The following TRIP11 variants were observed in gnomAD, a reference collection of about 807,000 sequenced individuals.
The protein encoded by TRIP11 is thyroid receptor-interacting protein 11.
Under a neutral mutation model 223.1 loss-of-function variants are expected in TRIP11, and 148 were observed. The ratio of observed to expected loss-of-function variants is 0.66; its 90% CI spans 0.58 to 0.76. The LOEUF (loss-of-function observed/expected upper bound fraction) is 0.76. Among genes scored for constraint, TRIP11 ranks in the 30% least tolerant of loss-of-function variants. The pLI is 0.00. For missense variants in TRIP11, 2,043 were observed against 2,222.0 expected, an observed-to-expected ratio of 0.92 and a Z score of 1.62; for synonymous variants, 762 against 772.6, an observed-to-expected ratio of 0.99 and a Z score of 0.23.
intron 7 of TRIP11, among the ~76,000 whole-genome samples, chr14:92,013,281 A>C (rs1237557136): frequency 6.6e-6 from 1 of 152,146 alleles, no homozygotes; most frequent in Non-Finnish European, 1.5e-5. Flanking sequence ...AAACAAACAA[A>C]AAAAAAGCTA....
chr14:91,975,067 A>G, intron 18 of TRIP11, 105 bp downstream of exon 18: 1 of 1,061,364 alleles, frequency 9.4e-7, no homozygotes, highest in East Asian at 2.4e-5. Flanking sequence ...CCACACTGAG[A>G]AAATTACACT....
intron 15 of TRIP11, among the ~76,000 whole-genome samples, chr14:91,989,736 A>G (rs900107177): frequency 6.6e-6 from 1 of 152,078 alleles, no homozygotes; most frequent in African/African-American, 2.4e-5. Flanking sequence ...ATGTAATCAA[A>G]GTCCTTAATC....
At chr14:91,975,421 GT>G (rs1448973312) in intron 17 of TRIP11, 135 bp from the exon 18 acceptor site, 1 of 478,132 alleles carries the variant, frequency 2.1e-6, no homozygotes, top group Non-Finnish European at 3.6e-6. Flanking sequence ...ATATTTTAAA[GT>G]GTCTTTAAAA....
In TRIP11 at chr14:91,969,812, T is replaced by C; in HGVS notation, c.5801A>G (p.Asn1934Ser). The change falls in exon 21 of 21, where the codon AAC (asparagine) becomes AGC (serine). Residue 1934 changes from asparagine (N) to serine (S), a missense_variant. Transcript: ENST00000267622. The part of the protein sequence containing the change: ...APRSAAVPLI[N>S]PAGLGPGGPG... ...CCCACCAGGTCCAAGTCCAGCTGGG[T>C]TAATAAGAGGTACAGCTGCCGAGCG... 6.2e-7 allele frequency: 1 copy of C among 1,614,166 alleles called. No individual in the cohort carries two copies. The highest frequency in any genetic ancestry group is 1.1e-5 in the South Asian group (1 of 91,080).
At chr14:91,985,818 C>G (rs2056598148) in intron 16 of TRIP11, among the ~76,000 whole-genome samples, 1 of 152,140 alleles carries the variant, frequency 6.6e-6, no homozygotes, top group East Asian at 1.9e-4. Flanking sequence ...ACTTAATGAT[C>G]TAGGAGAGAA....
intron 16 of TRIP11, among the ~76,000 whole-genome samples, chr14:91,981,700 G>A (rs1367670870): frequency 6.6e-6 from 1 of 152,196 alleles, no homozygotes; most frequent in Non-Finnish European, 1.5e-5. Flanking sequence ...GCCCTGCTTT[G>A]TCTTTTAACT....
intron 7 of TRIP11, among the ~76,000 whole-genome samples, chr14:92,013,533 A>C (rs2056999065): frequency 6.6e-6 from 1 of 152,228 alleles, no homozygotes; most frequent in Non-Finnish European, 1.5e-5. Context: ...GAGCTGCCAT[A>C]GTTAACATAG....
rs1210712157 is a variant in TRIP11, at chr14:91,967,727, C to CATGT, written c.*1942_*1945dup. The CATGT allele has an allele frequency of 5.2e-6, 1 of 193,424 alleles. No homozygotes were observed. The allele number at this position is 193,424 out of a possible 1,614,324, so 12.0% of individuals were successfully genotyped here. On this transcript the variant is annotated 3_prime_UTR_variant, in exon 21 of 21. Coordinates refer to ENST00000267622, the MANE Select transcript of TRIP11 (RefSeq NM_004239.4). The stretch of plus-strand genomic sequence containing the variant: ...ATTCTATTTCTTAAAAATAAAGGAC[C>CATGT]ATGTGTCTTTTTTAACTTAGAAACT...
chr14:92,039,950 G>T lies in TRIP11; in HGVS notation c.-265C>A, dbSNP rs532470754. 35 of 585,012 alleles carry T rather than the reference G, an allele frequency of 6.0e-5. 1 individual carries two copies. The East Asian group carries it at 9.5e-4, about 16-fold the overall frequency. The allele number at this position is 585,012 out of a possible 1,614,324, so 36.2% of individuals were successfully genotyped here. A position where few individuals can be genotyped will look rare whatever the true frequency, so the allele number is the denominator to read the frequency against. On this transcript the variant is annotated 5_prime_UTR_variant, in exon 1 of 21. In the 5' UTR this introduces an upstream ATG that the reference lacks. Coordinates refer to ENST00000267622, the MANE Select transcript of TRIP11 (RefSeq NM_004239.4). ...CATTCCCACGAATTCCCACCGTCCA[G>T]ATTGGGCCACTTCTTTCTCAGCTCT...
chr14:91,973,003 T>A, intron 19 of TRIP11, 142 bp from the exon 20 acceptor site: 10 of 725,032 alleles, frequency 1.4e-5, no homozygotes, highest in Non-Finnish European at 2.1e-5. Context: ...ATCAGCTTTA[T>A]GAACAATTGA....
Position 92,015,740 on chromosome 14 carries a change from T to A in TRIP11, c.779A>T (p.Asp260Val). ...ISRRHREELS[D>V]YEERIEELEN... The stretch of plus-strand genomic sequence containing the variant: ...AAGTTCTTCAATTCGTTCTTCATAG[T>A]CACTTAATTCTTCTCGATGTCGTCG... The change falls in exon 6 of 21, where the codon GAC becomes GTC. Residue 260 changes from aspartate (D) to valine (V), a missense_variant. Coordinates refer to ENST00000267622, the MANE Select transcript of TRIP11 (RefSeq NM_004239.4). The A allele has an allele frequency of 6.2e-7, 1 of 1,613,032 alleles. No individual in the cohort carries two copies. Among genetic ancestry groups the A allele is most frequent in the South Asian group, 1.1e-5 (1 of 90,786 alleles).
intron 13 of TRIP11, among the ~76,000 whole-genome samples, chr14:91,998,019 A>C (rs2056772795): frequency 6.6e-6 from 1 of 152,212 alleles, no homozygotes; most frequent in Non-Finnish European, 1.5e-5. Flanking sequence ...GTTTTAAACA[A>C]GTTTTCCAGC....
In TRIP11 at chr14:92,000,046, A is replaced by G. The variant is rs72705400; in HGVS notation, c.4620T>C (p.Val1540=). The change falls in exon 12 of 21, where the codon GTT becomes GTC. Residue 1540 remains valine, a synonymous_variant. Coordinates refer to ENST00000267622, the MANE Select transcript of TRIP11 (RefSeq NM_004239.4). ...NAVKSMQEKT[V]VFQQERDQVM... is the part of the protein sequence containing the mutation. ...CTTGGTCTCTCTCCTGTTGAAACAC[A>G]ACTGTCTTCTCCTGCATTGATTTAA... 5.7e-4 allele frequency: 912 copies of G among 1,614,018 alleles called. 2 individuals carry two copies. Among genetic ancestry groups the G allele is most frequent in the South Asian group, 9.6e-4 (87 of 91,082 alleles).
At position 92,006,420 on chromosome 14, in the gene TRIP11, G is replaced by A; in HGVS notation, c.1556C>T (p.Ser519Leu). 1 of 1,612,314 alleles carries A rather than the reference G, an allele frequency of 6.2e-7. No homozygotes were observed. Among genetic ancestry groups the A allele is most frequent in the Middle Eastern group, 1.7e-4 (1 of 5,848 alleles). Residue 519 changes from serine to leucine, a missense_variant, in exon 11 of 21, where the codon TCA becomes TTA. Transcript: ENST00000267622. ...GCTATCTCCTTCATTTTGTTGTTTTGATAGCTGATCTTTTATCAAAATCAT... is the reference window on the plus strand; with the variant it reads ...GCTATCTCCTTCATTTTGTTGTTTTAATAGCTGATCTTTTATCAAAATCAT... ...KHMILIKDQLSKQQNEGDSII... is the reference protein window; with the variant it reads ...KHMILIKDQLLKQQNEGDSII...
At chr14:92,011,971 T>C (rs763362929) in intron 7 of TRIP11, among the ~76,000 whole-genome samples, 176 bp from the exon 8 acceptor site, 1 of 152,144 alleles carries the variant, frequency 6.6e-6, no homozygotes, top group Non-Finnish European at 1.5e-5. Context: ...AAATAAATCA[T>C]AATGTAAATG....
intron 4 of TRIP11, among the ~76,000 whole-genome samples, chr14:92,020,755 A>C (rs925057972): frequency 6.6e-6 from 1 of 152,224 alleles, no homozygotes; most frequent in Middle Eastern, 3.4e-3. Flanking sequence ...GAAAGATGAC[A>C]GGACCAAAAT....
chr14:91,978,382 C>T lies in TRIP11; in HGVS notation c.5261-2193G>A, dbSNP rs1854578783. 6.6e-6 allele frequency among the ~76,000 whole-genome samples: 1 copy of T among 152,300 alleles called. No homozygotes were observed. The highest frequency in any genetic ancestry group is 2.4e-5 in the African/African-American group (1 of 41,564). On this transcript the variant is annotated intron_variant, in intron 16 of 20. Coordinates refer to ENST00000267622, the MANE Select transcript of TRIP11 (RefSeq NM_004239.4). This position sits in a 1 kb window ranked among gnomAD's most constrained non-coding sequence, Gnocchi z 4.4. ...TCAAGCTTAGCTAACCTACCTCCAACCCCCACCTTCCCTTTCCCTGAGACT... is the reference window on the plus strand; with the variant it reads ...TCAAGCTTAGCTAACCTACCTCCAATCCCCACCTTCCCTTTCCCTGAGACT...
chr14:91,993,872 T>C lies in TRIP11; in HGVS notation c.5097A>G (p.Lys1699=), dbSNP rs1003943291. 6.2e-7 allele frequency: 1 copy of C among 1,613,568 alleles called. No homozygotes were observed. The change falls in exon 15 of 21, where the codon AAA becomes AAG. Residue 1699 remains lysine, a synonymous_variant. Coordinates refer to ENST00000267622, the MANE Select transcript of TRIP11 (RefSeq NM_004239.4). ...AMYSAELEKQ[K]QLIAEWKKNA... ...TTTTCTTCCATTCAGCTATAAGCTGTTTTTGCTTTTCGAGTTCAGCAGAAT... is the reference window on the plus strand; with the variant it reads ...TTTTCTTCCATTCAGCTATAAGCTGCTTTTGCTTTTCGAGTTCAGCAGAAT...
intron 17 of TRIP11, 70 bp from the exon 18 acceptor site, chr14:91,975,356 A>G: frequency 1.0e-6 from 1 of 990,374 alleles, no homozygotes; most frequent in East Asian, 2.5e-5. Flanking sequence ...TAAGCATAGA[A>G]ATATTTAATT....
Sources: gnomAD v4.1 joint callset for allele counts (sites outside exome capture counted in the v4.1 genomes callset) on GRCh38, gnomAD v4.1.1 for gene constraint, Gnocchi (gnomAD v3.1) non-coding constraint, MANE v1.5 for transcripts, NCBI Gene and HGNC (gene_info 2026-07-23, HGNC 2026-07-21) for gene names.